Variants in LGMN observed in about 807,000 individuals in gnomAD.
LGMN encodes asparaginyl endopeptidase.
Under a neutral mutation model 56.8 loss-of-function variants are expected in LGMN, and 36 were observed. The observed-to-expected ratio is 0.63, with a 90% CI of 0.49 to 0.84. The LOEUF (loss-of-function observed/expected upper bound fraction) is 0.84, where lower values mean the gene tolerates loss of function less well. LGMN is among the 40% of genes least tolerant of loss of function. The pLI is 0.00. For missense variants in LGMN, 446 were observed against 556.1 expected (o/e 0.80, Z 1.99); for synonymous variants, 199 against 210.1 (o/e 0.95, Z 0.46).
At chr14:92,713,771 G>A (rs1401495675) in intron 7 of LGMN, 52 bp downstream of exon 7, 9 of 1,299,668 alleles carry the variant, frequency 6.9e-6, no homozygotes, top group South Asian at 3.5e-5. Flanking sequence ...CTGCACTCAC[G>A]GCTTTCCTCA....
At chr14:92,719,257 ACCG>A (rs1311954717) in intron 2 of LGMN, among the ~76,000 whole-genome samples, 329 of 10,868 alleles carry the variant, frequency 0.03, 13 homozygotes, top group African/African-American at 0.099. Flanking sequence ...CACCACCACC[ACCG>A]CCACCGCCGC....
chr14:92,709,584 G>A (rs568369017), intron 11 of LGMN, 88 bp downstream of exon 11: 5 of 1,038,962 alleles, frequency 4.8e-6, no homozygotes, highest in Non-Finnish European at 1.5e-6. Flanking sequence ...GTGTGGCAGG[G>A]AGCATAGGAG....
At chr14:92,721,111 C>T (rs867049059) in intron 2 of LGMN, among the ~76,000 whole-genome samples, 1 of 152,128 alleles carries the variant, frequency 6.6e-6, no homozygotes, top group Non-Finnish European at 1.5e-5. Flanking sequence ...TGGCTGGTCT[C>T]GAACTCCTGG....
chr14:92,744,486 C>A (rs568099392), intron 1 of LGMN, among the ~76,000 whole-genome samples: 2 of 152,198 alleles, frequency 1.3e-5, no homozygotes, highest in Admixed American at 1.3e-4. Flanking sequence ...CTGTACTTTG[C>A]AGTCTCCAAT....
chr14:92,711,211 G>A (rs1489525105), intron 10 of LGMN, among the ~76,000 whole-genome samples: 1 of 152,168 alleles, frequency 6.6e-6, no homozygotes, highest in East Asian at 1.9e-4. Context: ...AAGGGTAAAG[G>A]TAACAACCTG....
Position 92,732,738 on chromosome 14 carries a change from C to T in LGMN, c.49G>A (p.Ala17Thr). 6.2e-7 allele frequency: 1 copy of T among 1,614,188 alleles called. No homozygotes were observed. Among genetic ancestry groups the T allele is most frequent in the Non-Finnish European group, 8.5e-7 (1 of 1,180,026 alleles). Residue 17 changes from alanine to threonine, a missense_variant, in exon 2 of 14, where the codon GCC becomes ACC. Physicochemically the swap from Ala to Thr is moderately conservative, Grantham distance 58 (BLOSUM62 0). Transcript: ENST00000334869. ...TCTTCAGGATCATCTATAGGAACGG[C>T]ACCAATGCCCAGGGCCACACTGAGG... ...VFLSVALGIG[A>T]VPIDDPEDGG... is the part of the protein sequence containing the mutation.
intron 13 of LGMN, 135 bp from the exon 14 acceptor site, chr14:92,704,496 G>T: frequency 9.5e-7 from 1 of 1,051,044 alleles, no homozygotes; most frequent in South Asian, 1.3e-5. Flanking sequence ...CGTGGCTTCT[G>T]GACCCTGCTG....
chr14:92,720,888 T>TGTTTTG (rs1429308379), intron 2 of LGMN, among the ~76,000 whole-genome samples: 1 of 151,174 alleles, frequency 6.6e-6, no homozygotes, highest in Non-Finnish European at 1.5e-5. Flanking sequence ...TTTATTTTTT[T>TGTTTTG]GTTTTTGTTT....
intron 1 of LGMN, among the ~76,000 whole-genome samples, chr14:92,734,604 C>T (rs1273909949): frequency 6.6e-6 from 1 of 151,294 alleles, no homozygotes; most frequent in Non-Finnish European, 1.5e-5. Flanking sequence ...CATAGCACTA[C>T]ACTCCAGTCT....
intron 10 of LGMN, among the ~76,000 whole-genome samples, chr14:92,710,184 C>G (rs1007070564): frequency 3.3e-5 from 5 of 152,270 alleles, no homozygotes; most frequent in Non-Finnish European, 5.9e-5. Flanking sequence ...TTTCACCAGA[C>G]AGCTCTGGTC....
chr14:92,706,536 G>C lies in LGMN; in HGVS notation c.1138C>G (p.Pro380Ala). 1 of 1,597,386 alleles carries C rather than the reference G, an allele frequency of 6.3e-7. No homozygotes were observed. Among genetic ancestry groups the C allele is most frequent in the Non-Finnish European group, 8.6e-7 (1 of 1,166,888 alleles). ...RAPLTGHSCY[P>A]EALLHFRTHC... Reference sequence around the variant, plus strand: ...GTCCGGAAGTGCAGCAGGGCCTCTGGGTAGCAGCTGTGCCCCGTGAGCGGG... The same window carrying C: ...GTCCGGAAGTGCAGCAGGGCCTCTGCGTAGCAGCTGTGCCCCGTGAGCGGG... Residue 380 changes from proline to alanine, a missense_variant, in exon 12 of 14, where the codon CCA becomes GCA. Transcript: ENST00000334869.
chr14:92,743,396 G>A (rs1488035634), intron 1 of LGMN, among the ~76,000 whole-genome samples: 3 of 152,038 alleles, frequency 2.0e-5, no homozygotes, highest in African/African-American at 4.8e-5. Context: ...CCACCTACTC[G>A]GGAGGCTGAG....
intron 2 of LGMN, among the ~76,000 whole-genome samples, chr14:92,723,674 A>G (rs1890601260): frequency 6.6e-6 from 1 of 152,200 alleles, no homozygotes; most frequent in African/African-American, 2.4e-5. Flanking sequence ...ATCTATAGAG[A>G]TAGAAAGTAG....
Position 92,706,618 on chromosome 14 carries a change from G to T in LGMN, c.1056C>A (p.Ile352=). The T allele has an allele frequency of 6.2e-7, 1 of 1,600,654 alleles. No homozygotes were observed. Residue 352 remains isoleucine (I), a synonymous_variant, in exon 12 of 14, where the codon ATC becomes ATA. Transcript: ENST00000334869. ...CCTCGGACGCTGCCAGCAAGGAGACGATCTTACGCACTGACTTCTCAATGA... is the reference window on the plus strand; with the variant it reads ...CCTCGGACGCTGCCAGCAAGGAGACTATCTTACGCACTGACTTCTCAATGA... ...RHLIEKSVRK[I]VSLLAASEAE...
chr14:92,716,304 AC>A, intron 4 of LGMN, 83 bp from the exon 5 acceptor site: 1 of 933,648 alleles, frequency 1.1e-6, no homozygotes, highest in South Asian at 1.3e-5. Flanking sequence ...GACCCATGCC[AC>A]CAGCCTGCAC....
At chr14:92,738,122 G>A (rs534797048) in intron 1 of LGMN, among the ~76,000 whole-genome samples, 2 of 152,224 alleles carry the variant, frequency 1.3e-5, no homozygotes, top group Admixed American at 1.3e-4. Flanking sequence ...GTGAACAACA[G>A]AACGGACACC....
At chr14:92,737,889 C>T (rs1891375941) in intron 1 of LGMN, among the ~76,000 whole-genome samples, 4 of 152,180 alleles carry the variant, frequency 2.6e-5, no homozygotes, top group Admixed American at 2.6e-4. Context: ...TGAGAAGATG[C>T]CCCCAGACCA....
At chr14:92,706,003 A>G (rs1165770017) in intron 12 of LGMN, among the ~76,000 whole-genome samples, 2 of 152,184 alleles carry the variant, frequency 1.3e-5, no homozygotes, top group Non-Finnish European at 2.9e-5. Context: ...ACCTTTCTCT[A>G]GAAGGATTGA....
intron 10 of LGMN, 39 bp from the exon 11 acceptor site, chr14:92,709,911 C>A (rs201024158): frequency 2.6e-6 from 4 of 1,511,702 alleles, no homozygotes; most frequent in South Asian, 1.3e-5. Context: ...AGAGAGAAAG[C>A]GAGAGAGAGT....
Sources: gnomAD v4.1 joint callset for allele counts (sites outside exome capture counted in the v4.1 genomes callset) on GRCh38, gnomAD v4.1.1 for gene constraint, MANE v1.5 for transcripts, NCBI Gene and HGNC (gene_info 2026-07-23, HGNC 2026-07-21) for gene names.